The following CLOCK variants were observed in gnomAD, a reference collection of about 807,000 sequenced individuals.
CLOCK encodes the protein clock circadian regulator.
In CLOCK, 43 loss-of-function variants were observed where a neutral mutation model predicts 118.4. The ratio of observed to expected loss-of-function variants is 0.36; its 90% CI spans 0.28 to 0.47. The LOEUF (loss-of-function observed/expected upper bound fraction) is 0.47, where lower values mean the gene tolerates loss of function less well. CLOCK is among the 20% of genes least tolerant of loss of function. The pLI is 1.00. For missense variants in CLOCK, 846 were observed against 999.9 expected, an observed-to-expected ratio of 0.85 and a Z score of 2.08; for synonymous variants, 326 against 339.2, an observed-to-expected ratio of 0.96 and a Z score of 0.43.
chr4:55,478,048 G>A lies in CLOCK; in HGVS notation c.256+767C>T, dbSNP rs200974022. Among the ~76,000 whole-genome samples, 12 of 152,180 alleles carry A rather than the reference G, an allele frequency of 7.9e-5. No individual in the cohort carries two copies. In the East Asian group the frequency reaches 2.1e-3, roughly 27 times the overall value. ...AGTCCTGTAAGGCATTACCAACTGA[G>A]CTAGGCAGAAGTAAAACAGAGGCAC... On this transcript the variant is annotated intron_variant, in intron 6 of 22. Transcript: ENST00000513440.
chr4:55,477,913 CAGA>C (rs1035918606), intron 6 of CLOCK, among the ~76,000 whole-genome samples: 2 of 151,884 alleles, frequency 1.3e-5, no homozygotes, highest in African/African-American at 4.8e-5. Context: ...TGTACAGATG[CAGA>C]AGAAGATGCG....
chr4:55,475,406 G>C lies in CLOCK; in HGVS notation c.348+557C>G, dbSNP rs143089414. Among the ~76,000 whole-genome samples the C allele has an allele frequency of 3.4e-3, 519 of 152,284 alleles. 3 individuals are homozygous for C. The highest frequency in any genetic ancestry group is 0.012 in the African/African-American group (494 of 41,568). ...TGAATACTGTTGACATGACAGCAAA[G>C]GATACAGAATATTACATAAATTTAG... On this transcript the variant is annotated intron_variant, in intron 7 of 22. Coordinates refer to ENST00000513440, the MANE Select transcript of CLOCK (RefSeq NM_004898.4).
At chr4:55,487,368 C>T (rs939823) in intron 3 of CLOCK, among the ~76,000 whole-genome samples, 51,395 of 152,052 alleles carry the variant, frequency 0.34, 9,383 homozygotes, top group East Asian at 0.58. Flanking sequence ...GTTAACTTTA[C>T]TGTAGGGCTA....
At chr4:55,525,452 G>A (rs1432048105) in intron 1 of CLOCK, among the ~76,000 whole-genome samples, 1 of 152,104 alleles carries the variant, frequency 6.6e-6, no homozygotes, top group African/African-American at 2.4e-5. Flanking sequence ...TCCAGCCTGG[G>A]TAACAGAGCA....
rs200651826 is a variant in CLOCK, at chr4:55,480,058, A to G, written c.48-359T>C. On this transcript the variant is annotated intron_variant, in intron 4 of 22. Transcript: ENST00000513440. ...TAAAATTATTTTTAACTATAACAGC[A>G]TAATTTAAATTTTTTCTTAGATATT... Among the ~76,000 whole-genome samples the G allele has an allele frequency of 1.4e-4, 21 of 152,350 alleles. No individual in the cohort carries two copies. The East Asian group carries it at 3.7e-3, about 27-fold the overall frequency.
At chr4:55,498,941 C>T (rs1306129869) in intron 2 of CLOCK, among the ~76,000 whole-genome samples, 1 of 152,160 alleles carries the variant, frequency 6.6e-6, no homozygotes, top group Non-Finnish European at 1.5e-5. Context: ...CATCTTTAAG[C>T]TCACTGACTC....
intron 2 of CLOCK, among the ~76,000 whole-genome samples, chr4:55,507,332 G>T (rs767932171): frequency 2.6e-5 from 4 of 151,702 alleles, no homozygotes; most frequent in Non-Finnish European, 4.4e-5. Context: ...GTAGGGGGGA[G>T]CCAGGCATGG....
intron 1 of CLOCK, among the ~76,000 whole-genome samples, chr4:55,539,949 T>C (rs894515530): frequency 6.6e-6 from 1 of 151,844 alleles, no homozygotes; most frequent in Non-Finnish European, 1.5e-5. Flanking sequence ...AGGAAGCAGA[T>C]AGATAATCAA....
At chr4:55,483,803 C>G (rs1727101873) in intron 3 of CLOCK, among the ~76,000 whole-genome samples, 3 of 152,134 alleles carry the variant, frequency 2.0e-5, no homozygotes, top group Non-Finnish European at 4.4e-5. Flanking sequence ...AAGTCAAGTA[C>G]AGGAGAGTCT....
At chr4:55,435,960 CCAGA>C (rs1222912587) in intron 22 of CLOCK, among the ~76,000 whole-genome samples, 2 of 152,112 alleles carry the variant, frequency 1.3e-5, no homozygotes, top group Non-Finnish European at 2.9e-5. Context: ...TACTCTGAGG[CCAGA>C]CAGACAATGC....
At chr4:55,517,533 A>G (rs1257164808) in intron 1 of CLOCK, among the ~76,000 whole-genome samples, 1 of 152,122 alleles carries the variant, frequency 6.6e-6, no homozygotes, top group Non-Finnish European at 1.5e-5. Flanking sequence ...TTATTTTTAT[A>G]TTTTGCTGAA....
At chr4:55,471,612 T>C (rs1421398100) in intron 7 of CLOCK, among the ~76,000 whole-genome samples, 1 of 151,990 alleles carries the variant, frequency 6.6e-6, no homozygotes, top group East Asian at 1.9e-4. Flanking sequence ...GAGCAGGGAG[T>C]ACAAGACTTA....
Position 55,456,023 on chromosome 4 carries a change from A to AG in CLOCK, c.876-21_876-20insC, listed in dbSNP as rs1326029579. 1 of 1,573,178 alleles carries AG rather than the reference A, an allele frequency of 6.4e-7. No homozygotes were observed. Among genetic ancestry groups the AG allele is most frequent in the African/African-American group, 1.4e-5 (1 of 73,976 alleles). Reference sequence around the variant, plus strand: ...GGTGCCCTAAATTACACAGAAAACAATCATTATTATAAGTTTTTCCATAAT... The same window carrying AG: ...GGTGCCCTAAATTACACAGAAAACAAGTCATTATTATAAGTTTTTCCATAAT... On this transcript the variant is annotated intron_variant, in intron 12 of 22. Transcript: ENST00000513440.
intron 2 of CLOCK, among the ~76,000 whole-genome samples, chr4:55,496,290 G>A (rs1728080513): frequency 6.6e-6 from 1 of 151,822 alleles, no homozygotes; most frequent in African/African-American, 2.4e-5. Flanking sequence ...AACTGTGCCA[G>A]CTCATAATCT....
intron 1 of CLOCK, among the ~76,000 whole-genome samples, chr4:55,523,113 G>A (rs888746457): frequency 1.3e-5 from 2 of 150,250 alleles, no homozygotes; most frequent in Non-Finnish European, 2.9e-5. Flanking sequence ...GGCTAACACG[G>A]TGAAACCCCG....
intron 13 of CLOCK, among the ~76,000 whole-genome samples, chr4:55,454,115 T>C (rs1343342896): frequency 1.3e-5 from 2 of 152,182 alleles, no homozygotes; most frequent in African/African-American, 2.4e-5. Context: ...TGCCTAGATA[T>C]ACAGAGGGTA....
At chr4:55,509,370 G>A (rs956633145) in intron 2 of CLOCK, among the ~76,000 whole-genome samples, 3 of 152,164 alleles carry the variant, frequency 2.0e-5, no homozygotes, top group African/African-American at 7.2e-5. Flanking sequence ...ACTTTCACGT[G>A]TCACAAGTTA....
At chr4:55,469,670 A>G (rs1221754547) in intron 8 of CLOCK, among the ~76,000 whole-genome samples, 3 of 152,216 alleles carry the variant, frequency 2.0e-5, no homozygotes, top group African/African-American at 7.2e-5. Flanking sequence ...CTTTTGAAAT[A>G]AAGACATAAA....
At position 55,453,580 on chromosome 4, in the gene CLOCK, C is replaced by G. The variant is rs570656306; in HGVS notation, c.1130+97G>C. On this transcript the variant is annotated intron_variant, in intron 14 of 22. Coordinates refer to ENST00000513440, the MANE Select transcript of CLOCK (RefSeq NM_004898.4). The stretch of plus-strand genomic sequence containing the variant: ...TCTATCAGCAATTGAGAAAAGAGCA[C>G]TTTGTAGCTCTTTAACAACTTACGC... The G allele has an allele frequency of 4.9e-4, 485 of 987,442 alleles. 1 individual carries two copies. Among genetic ancestry groups the G allele is most frequent in the Middle Eastern group, 2.1e-3 (7 of 3,376 alleles). The allele number at this position is 987,442 out of a possible 1,614,324, so 61.2% of individuals were successfully genotyped here. A position where few individuals can be genotyped will look rare whatever the true frequency, so the allele number is the denominator to read the frequency against.
Sources: allele counts gnomAD v4.1 joint callset (sites outside exome capture counted in the v4.1 genomes callset), GRCh38; gene constraint gnomAD v4.1.1; transcripts MANE v1.5; gene names NCBI Gene and HGNC (gene_info 2026-07-23, HGNC 2026-07-21).